The following LRRC4C variants were observed in gnomAD, a reference collection of about 807,000 sequenced individuals.
LRRC4C encodes the protein leucine-rich repeat-containing protein 4C.
A neutral mutation model predicts 33.6 loss-of-function variants in LRRC4C; 5 were observed. The ratio of observed to expected loss-of-function variants is 0.15; its 90% CI spans 0.08 to 0.31. The LOEUF (loss-of-function observed/expected upper bound fraction) is 0.31. Ranked by LOEUF, LRRC4C falls within the 10% of genes least tolerant of loss-of-function variation. The pLI is 1.00. For synonymous variants in LRRC4C, 329 were observed against 302.0 expected (o/e 1.09, Z -0.93); for missense variants, 560 against 796.7 (o/e 0.70, Z 3.58).
At chr11:40,844,125 G>A (rs1450817943) in intron 2 of LRRC4C, among the ~76,000 whole-genome samples, 1 of 151,532 alleles carries the variant, frequency 6.6e-6, no homozygotes, top group Non-Finnish European at 1.5e-5. Context: ...TGTGTAGATG[G>A]TTGTACCTTT....
chr11:40,964,908 A>T (rs924783653), intron 1 of LRRC4C, among the ~76,000 whole-genome samples: 13 of 152,072 alleles, frequency 8.5e-5, no homozygotes, highest in Admixed American at 3.3e-4. Context: ...GCTGGGTCAA[A>T]TGGTATTTCT....
At chr11:40,644,332 A>C (rs1942309359) in intron 3 of LRRC4C, among the ~76,000 whole-genome samples, 2 of 152,228 alleles carry the variant, frequency 1.3e-5, no homozygotes, top group South Asian at 4.1e-4. Context: ...GAATGTAAAA[A>C]GTTACAGTTA....
chr11:40,417,244 GT>G (rs1454563813), intron 3 of LRRC4C, among the ~76,000 whole-genome samples: 1 of 152,124 alleles, frequency 6.6e-6, no homozygotes, highest in Admixed American at 6.5e-5. Context: ...TCTGGGGACT[GT>G]TTGGCAATAA....
chr11:40,288,877 T>C (rs1294308909), intron 4 of LRRC4C, among the ~76,000 whole-genome samples: 1 of 152,176 alleles, frequency 6.6e-6, no homozygotes, highest in Non-Finnish European at 1.5e-5. Context: ...AGGTCCAGAC[T>C]ATGTAATATG....
intron 1 of LRRC4C, among the ~76,000 whole-genome samples, chr11:41,343,144 T>C (rs1247923609): frequency 1.3e-5 from 2 of 152,202 alleles, no homozygotes; most frequent in Admixed American, 1.3e-4. Flanking sequence ...GTATAAAACC[T>C]TTTTCTAAGA....
intron 3 of LRRC4C, among the ~76,000 whole-genome samples, chr11:40,582,171 A>G (rs1292030278): frequency 6.6e-6 from 1 of 152,176 alleles, no homozygotes; most frequent in Non-Finnish European, 1.5e-5. Context: ...CTACCAATCC[A>G]TAGATACTGA....
chr11:40,448,780 G>T (rs542227789), intron 3 of LRRC4C, among the ~76,000 whole-genome samples: 9 of 152,318 alleles, frequency 5.9e-5, no homozygotes, highest in African/African-American at 2.2e-4. Context: ...GGGATTGCTG[G>T]ATCAAATGGT....
chr11:41,263,378 G>T (rs958513924), intron 1 of LRRC4C, among the ~76,000 whole-genome samples: 3 of 152,020 alleles, frequency 2.0e-5, no homozygotes, highest in African/African-American at 7.3e-5. Flanking sequence ...TTCATTTTCT[G>T]AGATCAAAAT....
intron 3 of LRRC4C, among the ~76,000 whole-genome samples, chr11:40,494,304 C>A (rs1424397480): frequency 6.6e-6 from 1 of 152,088 alleles, no homozygotes; most frequent in Non-Finnish European, 1.5e-5. Context: ...TATATTATAT[C>A]CTGTAATTTC....
At chr11:41,238,455 A>G (rs566915415) in intron 1 of LRRC4C, among the ~76,000 whole-genome samples, 2 of 152,316 alleles carry the variant, frequency 1.3e-5, no homozygotes, top group South Asian at 4.1e-4. Flanking sequence ...TAATACTTGT[A>G]TTTGCAGATG....
intron 3 of LRRC4C, among the ~76,000 whole-genome samples, chr11:40,423,555 AG>A (rs1414079193): frequency 6.6e-6 from 1 of 151,908 alleles, no homozygotes; most frequent in Admixed American, 6.5e-5. Flanking sequence ...CGTGTTAGCC[AG>A]GATGGTCTCG....
intron 1 of LRRC4C, among the ~76,000 whole-genome samples, chr11:41,279,428 A>ACACACCCCCCCCC (rs58139193): frequency 7.1e-6 from 1 of 140,788 alleles, no homozygotes; most frequent in African/African-American, 2.7e-5. Context: ...ACACACACAC[A>ACACACCCCCCCCC]CCGTGGCAAT....
At chr11:40,480,131 C>T (rs2138393290) in intron 3 of LRRC4C, among the ~76,000 whole-genome samples, 1 of 152,142 alleles carries the variant, frequency 6.6e-6, no homozygotes, top group South Asian at 2.1e-4. Flanking sequence ...TAAAGCTAAG[C>T]AGAGAGGTTC....
At chr11:40,701,904 A>C (rs1945879098) in intron 2 of LRRC4C, among the ~76,000 whole-genome samples, 3 of 151,874 alleles carry the variant, frequency 2.0e-5, no homozygotes, top group Admixed American at 2.0e-4. Flanking sequence ...TGAATTTGTG[A>C]GGTAACTATT....
intron 3 of LRRC4C, among the ~76,000 whole-genome samples, chr11:40,349,705 C>G (rs1354352259): frequency 1.3e-5 from 2 of 152,086 alleles, no homozygotes; most frequent in African/African-American, 4.8e-5. Context: ...GAATGGGGTT[C>G]CCTTTTCTCC....
intron 1 of LRRC4C, among the ~76,000 whole-genome samples, chr11:41,396,528 T>C (rs1461065041): frequency 1.3e-5 from 2 of 152,030 alleles, no homozygotes; most frequent in Non-Finnish European, 2.9e-5. Context: ...CAAATTCTCT[T>C]AATTTGCTTC....
chr11:40,284,713 G>A (rs1297530851), intron 4 of LRRC4C, among the ~76,000 whole-genome samples: 2 of 152,160 alleles, frequency 1.3e-5, no homozygotes, highest in African/African-American at 2.4e-5. Flanking sequence ...GGTTGGATAG[G>A]AGGGATGTTA....
intron 3 of LRRC4C, among the ~76,000 whole-genome samples, chr11:40,509,236 TTAAG>T (rs1365127465): frequency 2.6e-5 from 4 of 152,194 alleles, no homozygotes; most frequent in Non-Finnish European, 5.9e-5. Flanking sequence ...ACTTGAAATA[TTAAG>T]TAATAATTTA....
intron 2 of LRRC4C, among the ~76,000 whole-genome samples, chr11:40,658,032 A>C (rs1943220918): frequency 6.6e-6 from 1 of 152,364 alleles, no homozygotes; most frequent in South Asian, 2.1e-4. Context: ...CAATCTCTGT[A>C]GTCTTTCCAC....
Sources: allele counts gnomAD v4.1 joint callset (sites outside exome capture counted in the v4.1 genomes callset), GRCh38; gene constraint gnomAD v4.1.1; transcripts MANE v1.5; gene names NCBI Gene and HGNC (gene_info 2026-07-23, HGNC 2026-07-21).